NHLRC2: variants seen among roughly 807,000 people sequenced by gnomAD.
NHLRC2 encodes the protein NHL repeat-containing protein 2.
NHLRC2 carries 33 observed loss-of-function variants against 68.1 expected under a neutral mutation model. The ratio of observed to expected loss-of-function variants is 0.48; its 90% confidence interval spans 0.37 to 0.65. The LOEUF (loss-of-function observed/expected upper bound fraction) is 0.65, where lower values mean the gene tolerates loss of function less well. NHLRC2 is among the 30% of genes least tolerant of loss of function. The pLI is 0.00. For synonymous variants in NHLRC2, 311 were observed against 309.6 expected (o/e 1.00, Z -0.05); for missense variants, 761 against 853.8 (o/e 0.89, Z 1.35).
Position 113,884,703 on chromosome 10 carries a change from T to A in NHLRC2, c.1039+323T>A, listed in dbSNP as rs541937887. Among the ~76,000 whole-genome samples, 15 of 151,432 alleles carry A rather than the reference T, an allele frequency of 9.9e-5. No homozygotes were observed. In the East Asian group the frequency reaches 2.9e-3, roughly 29 times the overall value. ...CTGAAAGGATTATAGTATCAGAACT[T>A]CAAAAGGTTATTCATGAACAGTAAT... On this transcript the variant is annotated intron_variant, in intron 5 of 10. Transcript: ENST00000369301.
Position 113,898,228 on chromosome 10 carries a change from CT to C in NHLRC2, c.1139+22del. 6.8e-7 allele frequency: 1 copy of C among 1,468,960 alleles called. No individual in the cohort carries two copies. The highest frequency in any genetic ancestry group is 9.5e-7 in the Non-Finnish European group (1 of 1,048,054). 91.0% of individuals were successfully genotyped at this position (1,468,960 alleles called of 1,614,324 possible). On this transcript the variant is annotated intron_variant, in intron 6 of 10. Coordinates refer to ENST00000369301, the MANE Select transcript of NHLRC2 (RefSeq NM_198514.4). Reference sequence around the variant, plus strand: ...AGAAAAAGTAAGTGACAGCCTCTCTCTTTGAGTAGACTGTACTACTTGGTGT... The same window carrying C: ...AGAAAAAGTAAGTGACAGCCTCTCTCTTGAGTAGACTGTACTACTTGGTGT...
At position 113,909,588 on chromosome 10, in the gene NHLRC2, C is replaced by G. The variant is rs1023180786; in HGVS notation, c.*1052C>G. ...CATGCTATTAATAGATACAGTATAT[C>G]CTAATATATTAGTCTTCAAAATATT... On this transcript the variant is annotated 3_prime_UTR_variant, in exon 11 of 11. Coordinates refer to ENST00000369301, the MANE Select transcript of NHLRC2 (RefSeq NM_198514.4). 1 of 151,732 alleles carries G rather than the reference C, an allele frequency of 6.6e-6. No homozygotes were observed. The highest frequency in any genetic ancestry group is 1.5e-5 in the Non-Finnish European group (1 of 67,942). The allele number at this position is 151,732 out of a possible 1,614,324, so 9.4% of individuals were successfully genotyped here.
intron 5 of NHLRC2, among the ~76,000 whole-genome samples, chr10:113,890,594 A>G (rs1320915896): frequency 5.3e-5 from 8 of 152,054 alleles, no homozygotes; most frequent in Admixed American, 5.2e-4. Flanking sequence ...CTGGGACTTC[A>G]GTTACTCATG....
chr10:113,863,209 C>A (rs1384455340), intron 2 of NHLRC2, among the ~76,000 whole-genome samples: 1 of 152,000 alleles, frequency 6.6e-6, no homozygotes, highest in Admixed American at 6.6e-5. Context: ...CCAGGATAGA[C>A]CATTAGTTAT....
intron 4 of NHLRC2, among the ~76,000 whole-genome samples, chr10:113,880,172 A>G (rs1015932078): frequency 6.6e-6 from 1 of 151,782 alleles, no homozygotes; most frequent in Non-Finnish European, 1.5e-5. Flanking sequence ...ACATAAAGGT[A>G]AAAAAAAGTC....
chr10:113,867,754 GT>G (rs1255113308), intron 2 of NHLRC2, among the ~76,000 whole-genome samples: 1 of 151,860 alleles, frequency 6.6e-6, no homozygotes, highest in Non-Finnish European at 1.5e-5. Flanking sequence ...TTTTGTTTTT[GT>G]TTTTGTTTTT....
chr10:113,862,827 A>G (rs916553149), intron 2 of NHLRC2, among the ~76,000 whole-genome samples: 4 of 152,298 alleles, frequency 2.6e-5, no homozygotes, highest in African/African-American at 4.8e-5. Flanking sequence ...GTTACAAGAG[A>G]CAAAGAAGGA....
chr10:113,890,685 G>A lies in NHLRC2; in HGVS notation c.1039+6305G>A, dbSNP rs186706347. Among the ~76,000 whole-genome samples, 4 of 150,642 alleles carry A rather than the reference G, an allele frequency of 2.7e-5. No individual in the cohort carries two copies. The East Asian group carries it at 7.8e-4, about 29-fold the overall frequency. On this transcript the variant is annotated intron_variant, in intron 5 of 10. Coordinates refer to ENST00000369301, the MANE Select transcript of NHLRC2 (RefSeq NM_198514.4). Reference sequence around the variant, plus strand: ...TTCATTCTTCTTATTTTTTCTTTTTGTACTAGTAATTTCTACCAATTTATC... The same window carrying A: ...TTCATTCTTCTTATTTTTTCTTTTTATACTAGTAATTTCTACCAATTTATC...
chr10:113,873,870 A>C (rs1301165786), intron 2 of NHLRC2, among the ~76,000 whole-genome samples: 1 of 152,100 alleles, frequency 6.6e-6, no homozygotes, highest in African/African-American at 2.4e-5. Context: ...TATTGCTTTC[A>C]TTTGCCTTGC....
rs1845873117 is a variant in NHLRC2, at chr10:113,866,944, A to G, written c.331+8264A>G. 1.3e-5 allele frequency among the ~76,000 whole-genome samples: 2 copies of G among 152,130 alleles called. 1 individual carries two copies. The highest frequency in any genetic ancestry group is 1.3e-4 in the Admixed American group (2 of 15,264). ...GTCTTCTTTCAGTGGAGTCAACCCAAGGTGCTCTTAATTTCCTCAGCCATG... is the reference window on the plus strand; with the variant it reads ...GTCTTCTTTCAGTGGAGTCAACCCAGGGTGCTCTTAATTTCCTCAGCCATG... On this transcript the variant is annotated intron_variant, in intron 2 of 10. Coordinates refer to ENST00000369301, the MANE Select transcript of NHLRC2 (RefSeq NM_198514.4).
At chr10:113,901,932 C>A in intron 7 of NHLRC2, 35 bp downstream of exon 7, 1 of 1,387,254 alleles carries the variant, frequency 7.2e-7, no homozygotes, top group Non-Finnish European at 1.0e-6. Flanking sequence ...TGCGCTCGGA[C>A]ACTGAGCAAG....
rs754751755 is a variant in NHLRC2 at position 113,876,959 on chromosome 10, T to C, written c.770T>C (p.Ile257Thr). 7.5e-6 allele frequency: 12 copies of C among 1,593,148 alleles called. No individual in the cohort carries two copies. Among genetic ancestry groups the C allele is most frequent in the Non-Finnish European group, 9.4e-6 (11 of 1,171,362 alleles). The change falls in exon 3 of 11, where the codon ATT (isoleucine) becomes ACT (threonine). Residue 257 changes from isoleucine (I) to threonine (T), a missense_variant. Ile to Thr is a moderately conservative substitution (Grantham distance 89). Transcript: ENST00000369301. ...TTGGTCGTTTGGAAGAATGGACAAA[T>C]TCAATATAGCATTGGAGGTAAAACT... ...RILVVWKNGQ[I>T]QYSIGGPNPG...
Position 113,903,511 on chromosome 10 carries a change from G to A in NHLRC2, c.1495-16G>A, listed in dbSNP as rs768811450. The A allele has an allele frequency of 2.6e-6, 4 of 1,523,846 alleles. No homozygotes were observed. The highest frequency in any genetic ancestry group is 2.8e-5 in the African/African-American group (2 of 72,476). 94.4% of individuals were successfully genotyped at this position (1,523,846 alleles called of 1,614,324 possible). On this transcript the variant is annotated splice_polypyrimidine_tract_variant and intron_variant, in intron 8 of 10. Coordinates refer to ENST00000369301, the MANE Select transcript of NHLRC2 (RefSeq NM_198514.4). The stretch of plus-strand genomic sequence containing the variant: ...TTGATCTTCAGTTATATAAGTTTTT[G>A]TTCTTTCTTTTTTAGATTAAAGTTG...
chr10:113,869,982 T>C (rs1383260835), intron 2 of NHLRC2, among the ~76,000 whole-genome samples: 1 of 152,156 alleles, frequency 6.6e-6, no homozygotes, highest in African/African-American at 2.4e-5. Flanking sequence ...AGCCCAACCC[T>C]GAGTCAGCTA....
chr10:113,889,325 G>A (rs968833068), intron 5 of NHLRC2, among the ~76,000 whole-genome samples: 6 of 151,832 alleles, frequency 4.0e-5, no homozygotes, highest in Admixed American at 1.3e-4. Flanking sequence ...ATAATCTACA[G>A]TGTTCGTATT....
chr10:113,872,731 G>A (rs1481855476), intron 2 of NHLRC2, among the ~76,000 whole-genome samples: 1 of 149,916 alleles, frequency 6.7e-6, no homozygotes, highest in African/African-American at 2.4e-5. Context: ...TTAAAAGCAG[G>A]GAGGGAAACC....
At chr10:113,855,088 A>C (rs527410349) in intron 1 of NHLRC2, 38 bp downstream of exon 1, 1 of 1,520,136 alleles carries the variant, frequency 6.6e-7, no homozygotes, top group African/African-American at 1.4e-5. Flanking sequence ...CCCTCCCGGC[A>C]CCTCCCCTTC....
At chr10:113,862,325 G>C (rs1013549289) in intron 2 of NHLRC2, among the ~76,000 whole-genome samples, 3 of 152,024 alleles carry the variant, frequency 2.0e-5, no homozygotes, top group African/African-American at 7.2e-5. Flanking sequence ...GTTTTTGTGT[G>C]TTATTGAAGC....
chr10:113,906,590 T>C (rs1846277200), intron 10 of NHLRC2, among the ~76,000 whole-genome samples: 1 of 151,614 alleles, frequency 6.6e-6, no homozygotes, highest in Non-Finnish European at 1.5e-5. Context: ...ACTTCACAAA[T>C]TGTGTGTGTG....
Sources: allele counts gnomAD v4.1 joint callset (sites outside exome capture counted in the v4.1 genomes callset), GRCh38; gene constraint gnomAD v4.1.1; transcripts MANE v1.5; gene names NCBI Gene and HGNC (gene_info 2026-07-23, HGNC 2026-07-21).